FAM228B: variants seen among roughly 807,000 people sequenced by gnomAD.
FAM228B encodes the protein family with sequence similarity 228 member B.
In FAM228B, 38 loss-of-function variants were observed where a neutral mutation model predicts 42.6. That is an observed-to-expected ratio of 0.89 (90% CI 0.69 to 1.17). The LOEUF is 1.17. Among genes scored for constraint, FAM228B ranks in the 50% most tolerant of loss-of-function variants. The probability of loss-of-function intolerance (pLI) is 0.00; values close to 1 mark genes in which losing one functional copy is unlikely to be tolerated. For synonymous variants in FAM228B, 109 were observed against 122.3 expected, an observed-to-expected ratio of 0.89 and a Z score of 0.72; for missense variants, 344 against 367.3, an observed-to-expected ratio of 0.94 and a Z score of 0.52.
At chr2:24,093,556 G>C (rs1054429308) in intron 2 of FAM228B, among the ~76,000 whole-genome samples, 1 of 151,936 alleles carries the variant, frequency 6.6e-6, no homozygotes, top group Non-Finnish European at 1.5e-5. Context: ...TATCATTGAT[G>C]GGCATTTGGG....
intron 3 of FAM228B, among the ~76,000 whole-genome samples, chr2:24,097,684 G>A (rs1022129434): frequency 2.6e-5 from 4 of 151,990 alleles, no homozygotes; most frequent in Non-Finnish European, 5.9e-5. Flanking sequence ...AATAATAATG[G>A]GAGACTTTAA....
chr2:24,079,505 G>A (rs145078765), intron 1 of FAM228B: 1 of 1,614,114 alleles, frequency 6.2e-7, no homozygotes, highest in South Asian at 1.1e-5. Context: ...AAGTAGCTTT[G>A]AAAACAGGGG....
intron 4 of FAM228B, among the ~76,000 whole-genome samples, chr2:24,138,945 C>CA (rs35466262): frequency 0.19 from 24,943 of 133,984 alleles, 2,215 homozygotes; most frequent in Middle Eastern, 0.23. Context: ...GACTCTGTCT[C>CA]AAAAAAAAAA....
At chr2:24,139,213 A>C (rs1167787599) in intron 4 of FAM228B, among the ~76,000 whole-genome samples, 157 bp from the exon 5 acceptor site, 1 of 152,164 alleles carries the variant, frequency 6.6e-6, no homozygotes, top group Non-Finnish European at 1.5e-5. Flanking sequence ...GAATAAATTA[A>C]ATTTAAAATG....
chr2:24,128,574 G>A (rs1030834416), intron 2 of FAM228B, among the ~76,000 whole-genome samples: 3 of 151,780 alleles, frequency 2.0e-5, no homozygotes, highest in Non-Finnish European at 4.4e-5. Context: ...CTATTTCTTT[G>A]TATACCTGGT....
chr2:24,157,116 C>T (rs1000710884), intron 7 of FAM228B, among the ~76,000 whole-genome samples: 7 of 152,126 alleles, frequency 4.6e-5, no homozygotes, highest in African/African-American at 1.7e-4. Flanking sequence ...ATTTAGTTTC[C>T]ATGTATTTGC....
At chr2:24,144,238 G>A (rs1007713392) in intron 5 of FAM228B, among the ~76,000 whole-genome samples, 5 of 151,982 alleles carry the variant, frequency 3.3e-5, no homozygotes, top group South Asian at 2.1e-4. Context: ...CTCAGCATTC[G>A]AGACCAGCCT....
chr2:24,133,415 T>C (rs1666502665), intron 2 of FAM228B, among the ~76,000 whole-genome samples: 1 of 152,238 alleles, frequency 6.6e-6, no homozygotes, highest in Non-Finnish European at 1.5e-5. Context: ...TTAGCTCCCA[T>C]GAGCCTTGGC....
At chr2:24,136,817 C>A (rs950387326) in intron 3 of FAM228B, among the ~76,000 whole-genome samples, 2 of 152,174 alleles carry the variant, frequency 1.3e-5, no homozygotes, top group African/African-American at 2.4e-5. Flanking sequence ...GTGTACCATT[C>A]GGTGTCATTA....
chr2:24,090,969 T>C (rs1311177601), intron 2 of FAM228B, among the ~76,000 whole-genome samples: 13 of 152,176 alleles, frequency 8.5e-5, no homozygotes, highest in Admixed American at 8.5e-4. Flanking sequence ...GTTTGTTTGT[T>C]TATCGTTTGT....
intron 7 of FAM228B, among the ~76,000 whole-genome samples, chr2:24,158,906 G>A (rs900218394): frequency 1.3e-5 from 2 of 152,212 alleles, no homozygotes; most frequent in Non-Finnish European, 2.9e-5. Flanking sequence ...AGTCCTGGAG[G>A]CTGGAAGACT....
At chr2:24,137,277 T>G (rs1666612575) in intron 3 of FAM228B, among the ~76,000 whole-genome samples, 1 of 152,202 alleles carries the variant, frequency 6.6e-6, no homozygotes, top group South Asian at 2.1e-4. Flanking sequence ...TATTTGAGCC[T>G]GGATTTTCAT....
At chr2:24,092,657 T>G (rs972842975) in intron 2 of FAM228B, among the ~76,000 whole-genome samples, 10 of 152,310 alleles carry the variant, frequency 6.6e-5, no homozygotes, top group Middle Eastern at 3.4e-3. Flanking sequence ...GTTTGTCCTG[T>G]AGAAATAAAA....
In FAM228B at chr2:24,146,756, C is replaced by T; in HGVS notation, c.450C>T (p.Ile150=). The T allele has an allele frequency of 1.3e-6, 2 of 1,548,196 alleles. No homozygotes were observed. Among genetic ancestry groups the T allele is most frequent in the Non-Finnish European group, 1.7e-6 (2 of 1,145,080 alleles). Residue 150 remains isoleucine (I), a synonymous_variant, in exon 6 of 11, where the codon ATC becomes ATT. Transcript: ENST00000615575. ...KKDPNFLKVT[I]PPFHDPLKKA... ...AAGTGCCTCTCTTGTAGGTTACCAT[C>T]CCACCATTTCATGACCCTTTGAAAA...
chr2:24,143,349 TTTGTTG>T lies in FAM228B; in HGVS notation c.442-3381_442-3376del, dbSNP rs769539384. 3.3e-5 allele frequency among the ~76,000 whole-genome samples: 5 copies of T among 151,960 alleles called. No individual in the cohort carries two copies. In the East Asian group the frequency reaches 9.7e-4, roughly 29 times the overall value. ...GCGCCCGCCACCACGCCCGGCTAATTTTGTTGTTGTTGTTGTTGTTGTTTTCAGTAG... is the reference window on the plus strand; with the variant it reads ...GCGCCCGCCACCACGCCCGGCTAATTTTGTTGTTGTTGTTGTTTTCAGTAG... On this transcript the variant is annotated intron_variant, in intron 5 of 10. Coordinates refer to ENST00000615575, the MANE Select transcript of FAM228B (RefSeq NM_001145710.2).
At chr2:24,114,290 A>G (rs78587446) in intron 3 of FAM228B, among the ~76,000 whole-genome samples, 358 of 152,208 alleles carry the variant, frequency 2.4e-3, no homozygotes, top group African/African-American at 8.3e-3. Flanking sequence ...CCGTTTCCCA[A>G]TCTCCTGAGA....
intron 8 of FAM228B, among the ~76,000 whole-genome samples, chr2:24,162,735 T>G (rs1667313530): frequency 1.3e-5 from 2 of 152,244 alleles, no homozygotes; most frequent in Admixed American, 6.5e-5. Context: ...GGAATATTAC[T>G]TGGCAATTAA....
chr2:24,166,735 AGAG>A (rs1667425201), intron 9 of FAM228B, among the ~76,000 whole-genome samples: 4 of 152,132 alleles, frequency 2.6e-5, no homozygotes, highest in Non-Finnish European at 5.9e-5. Context: ...GGACGAATGA[AGAG>A]GACTGTTTTA....
In FAM228B at chr2:24,164,563, GCCACACGA is replaced by G. The variant is rs1417173412; in HGVS notation, c.932+229_932+236del. On this transcript the variant is annotated intron_variant, in intron 9 of 10. Transcript: ENST00000615575. ...CACGATGAGGGTGCCCCCTGGTGGAGCCACACGATGAGGGTGCCCCCTGGTGGAGCCAC... is the reference window on the plus strand; with the variant it reads ...CACGATGAGGGTGCCCCCTGGTGGAGTGAGGGTGCCCCCTGGTGGAGCCAC... Among the ~76,000 whole-genome samples, 9 of 8,544 alleles carry G rather than the reference GCCACACGA, an allele frequency of 1.1e-3. 1 individual carries two copies. Among genetic ancestry groups the G allele is most frequent in the African/African-American group, 1.3e-3 (9 of 7,012 alleles). The allele number at this position is 8,544 out of a possible 152,430, so 5.6% of individuals were successfully genotyped here. A position where few individuals can be genotyped will look rare whatever the true frequency, so the allele number is the denominator to read the frequency against.
Sources: allele counts gnomAD v4.1 joint callset (sites outside exome capture counted in the v4.1 genomes callset), GRCh38; gene constraint gnomAD v4.1.1; transcripts MANE v1.5; gene names NCBI Gene and HGNC (gene_info 2026-07-23, HGNC 2026-07-21).